The following NALCN variants were observed in gnomAD, a reference collection of about 807,000 sequenced individuals.
NALCN encodes sodium leak channel NALCN.
Under a neutral mutation model 225.3 loss-of-function variants are expected in NALCN, and 111 were observed. That is an observed-to-expected ratio of 0.49 (90% CI 0.42 to 0.58). The LOEUF (loss-of-function observed/expected upper bound fraction) is 0.58, where lower values mean the gene tolerates loss of function less well. Ranked by LOEUF, NALCN falls within the 20% of genes least tolerant of loss-of-function variation. The pLI is 0.00. For synonymous variants in NALCN, 764 were observed against 769.0 expected (o/e 0.99, Z 0.11); for missense variants, 1,378 against 2,202.4 (o/e 0.63, Z 7.49).
At chr13:101,138,103 G>A (rs923593575) in intron 17 of NALCN, among the ~76,000 whole-genome samples, 6 of 152,098 alleles carry the variant, frequency 3.9e-5, no homozygotes, top group African/African-American at 1.4e-4. Context: ...GGGAACTTAG[G>A]GGGTTCTGTC....
chr13:101,086,925 C>T lies in NALCN; in HGVS notation c.3489+2738G>A, dbSNP rs77887895. Among the ~76,000 whole-genome samples, 1,330 of 152,160 alleles carry T rather than the reference C, an allele frequency of 8.7e-3. 11 individuals carry two copies. Among genetic ancestry groups the T allele is most frequent in the Non-Finnish European group, 0.015 (1,002 of 67,946 alleles). On this transcript the variant is annotated intron_variant, in intron 30 of 43. Transcript: ENST00000251127. ...ACTTTTCTCACTAATTATAAGCAAA[C>T]ACTTGTTCTCTGGCCACCATAGACA...
At chr13:101,339,520 T>C (rs78592439) in intron 7 of NALCN, among the ~76,000 whole-genome samples, 1,703 of 152,182 alleles carry the variant, frequency 0.011, 33 homozygotes, top group African/African-American at 0.038. Context: ...GTATCTCAGT[T>C]GTCACGTGGC....
intron 1 of NALCN, among the ~76,000 whole-genome samples, chr13:101,415,453 T>A (rs184256862): frequency 6.6e-6 from 1 of 151,882 alleles, no homozygotes; most frequent in African/African-American, 2.4e-5. Context: ...GTCTGAAAAA[T>A]TGTACCTGAA....
chr13:101,096,244 T>C (rs2034494430), intron 27 of NALCN, among the ~76,000 whole-genome samples: 1 of 151,994 alleles, frequency 6.6e-6, no homozygotes, highest in Non-Finnish European at 1.5e-5. Flanking sequence ...GAGATGAAAA[T>C]ATATGTCCCT....
chr13:101,290,171 C>A (rs903120973), intron 9 of NALCN, among the ~76,000 whole-genome samples: 1 of 152,148 alleles, frequency 6.6e-6, no homozygotes, highest in Admixed American at 6.5e-5. Flanking sequence ...AACTTTGTTC[C>A]AAGTCTCTTC....
intron 13 of NALCN, among the ~76,000 whole-genome samples, chr13:101,227,017 C>T (rs542461960): frequency 6.6e-6 from 1 of 152,278 alleles, no homozygotes; most frequent in South Asian, 2.1e-4. Flanking sequence ...TGCTGATCCA[C>T]CTGACCCTTA....
rs764220864 is a variant in NALCN, at chr13:101,068,702, C to T, written c.4323G>A (p.Leu1441=). The part of the protein sequence containing the change: ...YVIIAYIMLN[L]LVAIIVENFS... ...TCAACTAACATCACTTACCTACAAG[C>T]AGATTTAGCATGATGTAGGCAATGA... The change falls in exon 38 of 44, where the codon CTG becomes CTA. Residue 1441 remains leucine (L), a synonymous_variant. Transcript: ENST00000251127. The T allele has an allele frequency of 1.9e-6, 3 of 1,594,592 alleles. No homozygotes were observed. Among genetic ancestry groups the T allele is most frequent in the East Asian group, 2.3e-5 (1 of 43,896 alleles).
chr13:101,289,919 G>C (rs952287417), intron 9 of NALCN, among the ~76,000 whole-genome samples: 2 of 152,174 alleles, frequency 1.3e-5, no homozygotes, highest in Non-Finnish European at 2.9e-5. Flanking sequence ...CAAGTGGCTA[G>C]CCAGGGTGGG....
intron 40 of NALCN, among the ~76,000 whole-genome samples, chr13:101,062,813 A>T (rs1468056849): frequency 6.6e-6 from 1 of 151,686 alleles, no homozygotes; most frequent in Non-Finnish European, 1.5e-5. Flanking sequence ...ATGTTGGTCA[A>T]ACTGGTCTTA....
chr13:101,331,882 A>G (rs1017902456), intron 7 of NALCN, among the ~76,000 whole-genome samples: 8 of 152,176 alleles, frequency 5.3e-5, no homozygotes, highest in Non-Finnish European at 1.0e-4. Context: ...TCAGCTAAGC[A>G]GCCCCCACAA....
chr13:101,073,647 A>C lies in NALCN; in HGVS notation c.4134T>G (p.Ala1378=), dbSNP rs1336786077. The part of the protein sequence containing the change: ...RHANFSSAGK[A]ITVLFRIVTG... ...TGACAATTCGGAACAGTACGGTAAT[A>C]GCTTTTCCAGCCGAAGAAAAATTTG... The change falls in exon 37 of 44, where the codon GCT becomes GCG. Residue 1378 remains alanine (A), a synonymous_variant. Coordinates refer to ENST00000251127, the MANE Select transcript of NALCN (RefSeq NM_052867.4). 1 of 1,613,310 alleles carries C rather than the reference A, an allele frequency of 6.2e-7. No homozygotes were observed. Among genetic ancestry groups the C allele is most frequent in the Non-Finnish European group, 8.5e-7 (1 of 1,179,738 alleles).
chr13:101,154,305 A>T (rs1171163164), intron 15 of NALCN, among the ~76,000 whole-genome samples: 1 of 152,210 alleles, frequency 6.6e-6, no homozygotes, highest in South Asian at 2.1e-4. Context: ...TTGAGCTTCT[A>T]AAACTGTTGT....
intron 13 of NALCN, among the ~76,000 whole-genome samples, chr13:101,207,227 A>C (rs981317978): frequency 6.6e-6 from 1 of 152,244 alleles, no homozygotes; most frequent in African/African-American, 2.4e-5. Flanking sequence ...CATGCAATAT[A>C]TCACAGTATC....
rs917574575 is a variant in NALCN at position 101,292,756 on chromosome 13, G to C, written c.800-390C>G. On this transcript the variant is annotated intron_variant, in intron 7 of 43. Transcript: ENST00000251127. The surrounding 1 kb of genome is among the most constrained non-coding windows in gnomAD (Gnocchi z 4.3). ...AATAAGCTGAAAAGCACCTGCTATA[G>C]TTTTAACCAAAATGAAATAAATGGG... Among the ~76,000 whole-genome samples, 14 of 152,146 alleles carry C rather than the reference G, an allele frequency of 9.2e-5. No homozygotes were observed. Among genetic ancestry groups the C allele is most frequent in the Admixed American group, 7.9e-4 (12 of 15,270 alleles).
At chr13:101,345,949 A>G (rs1042839895) in intron 6 of NALCN, among the ~76,000 whole-genome samples, 62 of 147,672 alleles carry the variant, frequency 4.2e-4, no homozygotes, top group Admixed American at 1.2e-3. Context: ...GCTTACATAT[A>G]AGAATGAGAA....
rs188180222 is a variant in NALCN at position 101,399,834 on chromosome 13, A to G, written c.-39-669T>C. On this transcript the variant is annotated intron_variant, in intron 1 of 43. Coordinates refer to ENST00000251127, the MANE Select transcript of NALCN (RefSeq NM_052867.4). ...GCTTAAATTTCCACAATTCTGAAAC[A>G]TCTACATCCTGTGATAGACGTTACC... Among the ~76,000 whole-genome samples the G allele has an allele frequency of 5.9e-5, 9 of 152,336 alleles. No individual in the cohort carries two copies. The East Asian group carries it at 1.7e-3, about 29-fold the overall frequency.
At chr13:101,375,275 C>T (rs920370592) in intron 6 of NALCN, among the ~76,000 whole-genome samples, 4 of 152,150 alleles carry the variant, frequency 2.6e-5, no homozygotes, top group Non-Finnish European at 5.9e-5. Flanking sequence ...TACATTCATT[C>T]CCTCATTTGC....
intron 30 of NALCN, among the ~76,000 whole-genome samples, chr13:101,085,462 A>C (rs2033884427): frequency 6.6e-6 from 1 of 152,148 alleles, no homozygotes; most frequent in African/African-American, 2.4e-5. Context: ...GATTGGAGGA[A>C]TAAATTTTAG....
intron 13 of NALCN, among the ~76,000 whole-genome samples, chr13:101,198,753 A>G (rs2039991410): frequency 1.3e-5 from 2 of 152,170 alleles, no homozygotes; most frequent in Admixed American, 6.5e-5. Context: ...GGGATCTAGA[A>G]CTAGAATTAC....
Sources: allele counts gnomAD v4.1 joint callset (sites outside exome capture counted in the v4.1 genomes callset), GRCh38; gene constraint gnomAD v4.1.1; non-coding constraint Gnocchi (gnomAD v3.1); transcripts MANE v1.5; gene names NCBI Gene and HGNC (gene_info 2026-07-23, HGNC 2026-07-21).